DCBLD1: variants seen among roughly 807,000 people sequenced by gnomAD.
DCBLD1 encodes the protein discoidin, CUB and LCCL domain containing 1.
DCBLD1 carries 57 observed loss-of-function variants against 71.5 expected under a neutral mutation model. The observed-to-expected ratio is 0.80, with a 90% CI of 0.64 to 0.99. The LOEUF (loss-of-function observed/expected upper bound fraction) is 0.99. DCBLD1 is among the 50% of genes least tolerant of loss of function. The probability of loss-of-function intolerance (pLI) is 0.00; values close to 1 mark genes in which losing one functional copy is unlikely to be tolerated. For missense variants in DCBLD1, 891 were observed against 923.5 expected (o/e 0.96, Z 0.46); for synonymous variants, 380 against 363.8 (o/e 1.04, Z -0.51).
intron 5 of DCBLD1, among the ~76,000 whole-genome samples, chr6:117,530,068 G>C (rs944439052): frequency 1.3e-5 from 2 of 152,126 alleles, no homozygotes; most frequent in Non-Finnish European, 2.9e-5. Context: ...GAAGACCGGG[G>C]ATCCCAAGGA....
At chr6:117,544,424 T>A in intron 12 of DCBLD1, 104 bp from the exon 13 acceptor site, 1 of 1,094,334 alleles carries the variant, frequency 9.1e-7, no homozygotes, top group Non-Finnish European at 1.3e-6. Context: ...AATTCTCACA[T>A]CAACCCTATG....
At chr6:117,509,859 A>G (rs1254679817) in intron 2 of DCBLD1, among the ~76,000 whole-genome samples, 3 of 152,148 alleles carry the variant, frequency 2.0e-5, no homozygotes, top group Admixed American at 2.0e-4. Flanking sequence ...CTCCATATAC[A>G]GGTTTTCCCA....
chr6:117,542,598 A>G (rs902862836), intron 11 of DCBLD1, among the ~76,000 whole-genome samples: 3 of 152,098 alleles, frequency 2.0e-5, no homozygotes, highest in Non-Finnish European at 4.4e-5. Flanking sequence ...GTGGAAATGC[A>G]GTTTTAGGTC....
chr6:117,563,533 A>G (rs1779630553), intron 14 of DCBLD1: 4 of 669,874 alleles, frequency 6.0e-6, no homozygotes, highest in Non-Finnish European at 1.0e-5. Flanking sequence ...ACCAGCCTGG[A>G]CAATGTGGTG....
chr6:117,504,922 C>G (rs1299332558), intron 2 of DCBLD1, among the ~76,000 whole-genome samples: 2 of 152,198 alleles, frequency 1.3e-5, no homozygotes, highest in African/African-American at 4.8e-5. Context: ...GATAATTTCT[C>G]AAACACACAC....
At chr6:117,491,884 G>C (rs572688284) in intron 1 of DCBLD1, among the ~76,000 whole-genome samples, 1 of 152,134 alleles carries the variant, frequency 6.6e-6, no homozygotes, top group Non-Finnish European at 1.5e-5. Context: ...CTGTATTTCT[G>C]TATAAGCCCG....
In DCBLD1 at chr6:117,519,881, C is replaced by G; in HGVS notation, c.391C>G (p.Arg131Gly). ...GTTGAACACAAGTGAAGTAACCGTC[C>G]GCTTTGAGAGTGGATCCCACATTTC... ...LLLNTSEVTV[R>G]FESGSHISGR... The change falls in exon 3 of 15, where the codon CGC becomes GGC. Residue 131 changes from arginine (R) to glycine (G), a missense_variant. Arg to Gly is a moderately radical substitution (Grantham distance 125). Coordinates refer to ENST00000338728, the MANE Select transcript of DCBLD1 (RefSeq NM_001366458.2). 6.2e-7 allele frequency: 1 copy of G among 1,614,078 alleles called. No individual in the cohort carries two copies.
chr6:117,506,414 T>C (rs1478917104), intron 2 of DCBLD1, among the ~76,000 whole-genome samples: 1 of 152,226 alleles, frequency 6.6e-6, no homozygotes, highest in African/African-American at 2.4e-5. Flanking sequence ...TATTACATTA[T>C]ACAGCAATTT....
Position 117,545,563 on chromosome 6 carries a change from A to C in DCBLD1, c.1581A>C (p.Thr527=). The change falls in exon 14 of 15, where the codon ACA becomes ACC. Residue 527 remains threonine, a synonymous_variant. Transcript: ENST00000338728. ...GCTATGATAATGAGAAGGAGATGAC[A>C]CAAAAGTTAGATCTCATCACAAGTG... ...TISYDNEKEM[T]QKLDLITSDM... is the part of the protein sequence containing the mutation. 2.5e-6 allele frequency: 4 copies of C among 1,614,156 alleles called. No individual in the cohort carries two copies. Among genetic ancestry groups the C allele is most frequent in the Non-Finnish European group, 3.4e-6 (4 of 1,180,018 alleles).
chr6:117,519,646 A>G (rs1778317787), intron 2 of DCBLD1, among the ~76,000 whole-genome samples, 170 bp from the exon 3 acceptor site: 1 of 152,226 alleles, frequency 6.6e-6, no homozygotes. Context: ...GTTCACAATC[A>G]GTCAGAAATT....
intron 1 of DCBLD1, among the ~76,000 whole-genome samples, chr6:117,483,153 G>C (rs1443492799): frequency 1.3e-5 from 2 of 152,118 alleles, no homozygotes; most frequent in African/African-American, 4.8e-5. Context: ...GAATTAACCT[G>C]GCGTCTCTGC....
intron 1 of DCBLD1, among the ~76,000 whole-genome samples, chr6:117,495,959 T>C (rs13193572): frequency 0.25 from 38,415 of 152,124 alleles, 4,930 homozygotes; most frequent in South Asian, 0.39. Context: ...CTTTAAATGA[T>C]TTGATTCATT....
intron 4 of DCBLD1, among the ~76,000 whole-genome samples, chr6:117,523,274 G>C (rs1177812813): frequency 6.6e-6 from 1 of 152,106 alleles, no homozygotes; most frequent in East Asian, 1.9e-4. Context: ...GATAAGGCCT[G>C]GTGACTGATA....
chr6:117,486,715 T>G (rs1199153457), intron 1 of DCBLD1, among the ~76,000 whole-genome samples: 1 of 152,222 alleles, frequency 6.6e-6, no homozygotes, highest in Admixed American at 6.5e-5. Flanking sequence ...CCTAAGCACT[T>G]GAAACCCTCT....
intron 14 of DCBLD1, chr6:117,560,428 G>T: frequency 5.3e-6 from 1 of 189,418 alleles, no homozygotes; most frequent in Non-Finnish European, 1.1e-5. Flanking sequence ...CCAACCATAA[G>T]TGTAAGACTG....
chr6:117,500,727 C>T (rs1054277935), intron 1 of DCBLD1, among the ~76,000 whole-genome samples: 3 of 152,116 alleles, frequency 2.0e-5, no homozygotes, highest in East Asian at 1.9e-4. Flanking sequence ...ATTAGCCGTA[C>T]GTAAATGCAC....
intron 2 of DCBLD1, among the ~76,000 whole-genome samples, 167 bp from the exon 3 acceptor site, chr6:117,519,649 C>G (rs565551010): frequency 6.6e-6 from 1 of 152,274 alleles, no homozygotes; most frequent in African/African-American, 2.4e-5. Flanking sequence ...CACAATCAGT[C>G]AGAAATTATC....
Position 117,538,568 on chromosome 6 carries a change from TGC to T in DCBLD1, c.761-51_761-50del. 37 of 1,546,160 alleles carry T rather than the reference TGC, an allele frequency of 2.4e-5. No homozygotes were observed. In the Admixed American group the frequency reaches 3.0e-4, roughly 13 times the overall value. On this transcript the variant is annotated intron_variant, in intron 7 of 14. Coordinates refer to ENST00000338728, the MANE Select transcript of DCBLD1 (RefSeq NM_001366458.2). ...TGAGATGTGGTACTACTTTTTTTTT[TGC>T]TGTTATTTTATGTCTGTATCTAAAA...
rs905919590 is a variant in DCBLD1, at chr6:117,548,175, C to T, written c.1884C>T (p.Pro628=). The T allele has an allele frequency of 4.5e-6, 7 of 1,550,228 alleles. No individual in the cohort carries two copies. The highest frequency in any genetic ancestry group is 4.9e-5 in the East Asian group (2 of 40,922). ...GCTACCGCGTCCCAGGGCCCCAGCC[C>T]GGCCACAAACACTCCCTCTCCTCGG... ...QSGYRVPGPQ[P]GHKHSLSSGG... The change falls in exon 15 of 15, where the codon CCC becomes CCT. Residue 628 remains proline (P), a synonymous_variant. Transcript: ENST00000338728.
Sources: allele counts gnomAD v4.1 joint callset (sites outside exome capture counted in the v4.1 genomes callset), GRCh38; gene constraint gnomAD v4.1.1; transcripts MANE v1.5; gene names NCBI Gene and HGNC (gene_info 2026-07-23, HGNC 2026-07-21).